Variants in DLG2 observed in about 807,000 individuals in gnomAD.
DLG2 encodes disks large homolog 2.
In DLG2, 45 loss-of-function variants were observed where a neutral mutation model predicts 132.5. The observed-to-expected ratio is 0.34, with a 90% CI of 0.27 to 0.44. DLG2 has a LOEUF of 0.44. Among genes scored for constraint, DLG2 ranks in the 20% least tolerant of loss-of-function variants. The pLI is 1.00. For synonymous variants in DLG2, 424 were observed against 419.6 expected (o/e 1.01, Z -0.13); for missense variants, 1,045 against 1,196.9 (o/e 0.87, Z 1.87).
intron 8 of DLG2, 139 bp from the exon 9 acceptor site, chr11:84,163,650 C>T: frequency 1.5e-6 from 1 of 670,964 alleles, no homozygotes; most frequent in Non-Finnish European, 2.5e-6. Context: ...TCTGATTGTG[C>T]ATTTTCATTC....
chr11:83,992,364 G>T (rs901437633), intron 11 of DLG2, among the ~76,000 whole-genome samples: 3 of 152,076 alleles, frequency 2.0e-5, no homozygotes, highest in African/African-American at 4.8e-5. Flanking sequence ...GGAGCATATA[G>T]GTGGGCGGCC....
At chr11:85,505,367 G>T (rs1366053422) in intron 3 of DLG2, among the ~76,000 whole-genome samples, 1 of 151,944 alleles carries the variant, frequency 6.6e-6, no homozygotes, top group African/African-American at 2.4e-5. Context: ...TTGTCATAAA[G>T]AGGTCTTATT....
At chr11:84,452,142 A>G (rs773666136) in intron 7 of DLG2, among the ~76,000 whole-genome samples, 4 of 151,326 alleles carry the variant, frequency 2.6e-5, no homozygotes, top group African/African-American at 9.7e-5. Context: ...AAGGAGGAGG[A>G]GGAGATGAGG....
intron 7 of DLG2, among the ~76,000 whole-genome samples, chr11:84,390,680 G>A (rs554503959): frequency 6.6e-6 from 1 of 152,310 alleles, no homozygotes; most frequent in Admixed American, 6.5e-5. Context: ...CTTAGAGGCT[G>A]TGAGAAAGAG....
At chr11:84,163,896 CT>C (rs1471957286) in intron 8 of DLG2, among the ~76,000 whole-genome samples, 1 of 152,094 alleles carries the variant, frequency 6.6e-6, no homozygotes, top group African/African-American at 2.4e-5. Flanking sequence ...AAAATATGAC[CT>C]TAAAAATCAG....
chr11:84,761,213 G>T (rs1157120267), intron 6 of DLG2, among the ~76,000 whole-genome samples: 2 of 152,122 alleles, frequency 1.3e-5, no homozygotes, highest in African/African-American at 4.8e-5. Flanking sequence ...CTCTTTCTTG[G>T]GATTTTAGAA....
At chr11:84,061,683 C>G (rs2096593000) in intron 10 of DLG2, among the ~76,000 whole-genome samples, 1 of 152,094 alleles carries the variant, frequency 6.6e-6, no homozygotes, top group Admixed American at 6.6e-5. Flanking sequence ...TTGTGCATAA[C>G]TTTTCTATAC....
At chr11:84,977,877 A>G (rs927887701) in intron 6 of DLG2, among the ~76,000 whole-genome samples, 1 of 152,196 alleles carries the variant, frequency 6.6e-6, no homozygotes, top group African/African-American at 2.4e-5. Context: ...GTTTAATCTC[A>G]TCTTAAATTT....
chr11:85,221,352 C>T (rs1031273373), intron 4 of DLG2, among the ~76,000 whole-genome samples: 14 of 151,974 alleles, frequency 9.2e-5, no homozygotes, highest in East Asian at 3.9e-4. Flanking sequence ...CCACCGCTCC[C>T]GGCCTCAAAC....
intron 11 of DLG2, among the ~76,000 whole-genome samples, chr11:84,039,939 G>T (rs2096011481): frequency 6.8e-6 from 1 of 147,554 alleles, no homozygotes; most frequent in Admixed American, 6.8e-5. Flanking sequence ...GTATCTCATT[G>T]TGGTTTTGAT....
At chr11:85,236,158 C>A (rs2152662031) in intron 4 of DLG2, among the ~76,000 whole-genome samples, 1 of 152,092 alleles carries the variant, frequency 6.6e-6, no homozygotes, top group South Asian at 2.1e-4. Flanking sequence ...ACTTTACAAA[C>A]AAAGAAACTG....
intron 6 of DLG2, among the ~76,000 whole-genome samples, chr11:84,805,797 AT>A (rs200798965): frequency 0.033 from 5,037 of 151,684 alleles, 126 homozygotes; most frequent in Non-Finnish European, 0.052. Flanking sequence ...ACATTCAAAC[AT>A]TTTTTTTTAA....
At chr11:84,451,002 T>C (rs1456473223) in intron 7 of DLG2, among the ~76,000 whole-genome samples, 1 of 151,884 alleles carries the variant, frequency 6.6e-6, no homozygotes, top group Non-Finnish European at 1.5e-5. Context: ...GTAACAAACC[T>C]GCACATGTAC....
intron 4 of DLG2, among the ~76,000 whole-genome samples, chr11:85,210,539 CT>C (rs907337737): frequency 2.6e-5 from 4 of 151,516 alleles, no homozygotes; most frequent in Non-Finnish European, 4.4e-5. Context: ...TTTTCTTATA[CT>C]TTTTTTTTCC....
intron 3 of DLG2, among the ~76,000 whole-genome samples, chr11:85,360,373 TA>T (rs1440310425): frequency 1.3e-5 from 2 of 152,200 alleles, no homozygotes; most frequent in Non-Finnish European, 2.9e-5. Flanking sequence ...TTAAGTCACA[TA>T]ATTGTTCTTA....
At chr11:83,735,021 T>C (rs2091708459) in intron 18 of DLG2, among the ~76,000 whole-genome samples, 1 of 152,122 alleles carries the variant, frequency 6.6e-6, no homozygotes, top group Non-Finnish European at 1.5e-5. Context: ...TTGTCACCTT[T>C]GTGTAGGGGT....
intron 18 of DLG2, among the ~76,000 whole-genome samples, chr11:83,668,759 AT>A (rs557273650): frequency 1.4e-5 from 2 of 144,698 alleles, no homozygotes; most frequent in African/African-American, 5.2e-5. Context: ...ACACATATAT[AT>A]GTGTATATAA....
chr11:84,391,129 A>G (rs1426690401), intron 7 of DLG2, among the ~76,000 whole-genome samples: 1 of 152,200 alleles, frequency 6.6e-6, no homozygotes, highest in Admixed American at 6.5e-5. Flanking sequence ...TTTAGTTGTA[A>G]GAGGACATTA....
At chr11:83,698,608 C>G (rs1459381074) in intron 18 of DLG2, among the ~76,000 whole-genome samples, 1 of 152,194 alleles carries the variant, frequency 6.6e-6, no homozygotes, top group Non-Finnish European at 1.5e-5. Context: ...CAAAAACTTT[C>G]TGATCCTCAG....
Sources: allele counts gnomAD v4.1 joint callset (sites outside exome capture counted in the v4.1 genomes callset), GRCh38; gene constraint gnomAD v4.1.1; transcripts MANE v1.5; gene names NCBI Gene and HGNC (gene_info 2026-07-23, HGNC 2026-07-21).